Variants in MAP4 observed in about 807,000 individuals in gnomAD.
The protein encoded by MAP4 is microtubule-associated protein 4.
MAP4 carries 76 observed loss-of-function variants against 170.2 expected under a neutral mutation model. The ratio of observed to expected loss-of-function variants is 0.45; its 90% confidence interval spans 0.37 to 0.54. The LOEUF is 0.54. MAP4 is among the 20% of genes least tolerant of loss of function. The pLI is 0.00. For missense variants in MAP4, 2,506 were observed against 2,748.0 expected (o/e 0.91, Z 1.97); for synonymous variants, 909 against 994.5 (o/e 0.91, Z 1.62).
chr3:47,917,219 G>A (rs752205494), intron 6 of MAP4, 45 bp from the exon 7 acceptor site: 17 of 1,509,110 alleles, frequency 1.1e-5, no homozygotes, highest in South Asian at 4.9e-5. Flanking sequence ...TCATACCTTT[G>A]CATTAAAAAT....
intron 1 of MAP4, among the ~76,000 whole-genome samples, chr3:47,999,693 T>A (rs903222796): frequency 6.6e-6 from 1 of 152,022 alleles, no homozygotes. Flanking sequence ...TGGGGTCTCC[T>A]GGAGGGTGGA....
intron 1 of MAP4, among the ~76,000 whole-genome samples, chr3:47,999,494 G>A (rs2100098012): frequency 2.6e-5 from 4 of 152,042 alleles, no homozygotes; most frequent in Admixed American, 2.6e-4. Context: ...TACATAATCT[G>A]CAGTTAAGTA....
intron 1 of MAP4, among the ~76,000 whole-genome samples, chr3:48,003,767 T>G (rs2100100624): frequency 6.6e-6 from 1 of 152,050 alleles, no homozygotes. Context: ...GTGAGGGTGT[T>G]GCCAAAGGAG....
rs146617187 is a variant in MAP4, at chr3:48,046,201, C to T, written c.-20+42572G>A. ...TTTTTTCCTGAACTTTCATCTTTTT[C>T]GGCCAATTCTCTCTATCGGTTATCG... On this transcript the variant is annotated intron_variant, in intron 1 of 18. Coordinates refer to the MAP4 transcript ENST00000360240. 7.0e-4 allele frequency among the ~76,000 whole-genome samples: 107 copies of T among 152,044 alleles called. 1 individual carries two copies. The highest frequency in any genetic ancestry group is 4.9e-4 in the Non-Finnish European group (33 of 67,980).
At chr3:47,903,337 T>C (rs1016265178) in intron 9 of MAP4, among the ~76,000 whole-genome samples, 14 of 152,012 alleles carry the variant, frequency 9.2e-5, no homozygotes, top group Non-Finnish European at 1.8e-4. Flanking sequence ...ATCGAGACCA[T>C]CCTGGCTAAC....
At position 47,912,160 on chromosome 3, in the gene MAP4, A is replaced by G. The variant is rs1252160102; in HGVS notation, c.2261T>C (p.Leu754Pro). 3 of 1,536,042 alleles carry G rather than the reference A, an allele frequency of 2.0e-6. No individual in the cohort carries two copies. Among genetic ancestry groups the G allele is most frequent in the Non-Finnish European group, 2.6e-6 (3 of 1,146,918 alleles). ...HVDSLEPQRD[L>P]GREAWDIEST... ...TTCTATATCCCAGGCCTCCCTGCCA[A>G]GATCCCTCTGGGGTTCAAGTGAGTC... The change falls in exon 9 of 21, where the codon CTT becomes CCT. Residue 754 changes from leucine (L) to proline (P), a missense_variant. This residue lies in a region of MAP4 where 2,008 missense variants were observed against 2,206.0 expected (regional missense o/e 0.91). Transcript: ENST00000683076.
At chr3:47,882,455 C>T (rs1363490518) in intron 10 of MAP4, among the ~76,000 whole-genome samples, 8 of 150,788 alleles carry the variant, frequency 5.3e-5, no homozygotes, top group African/African-American at 1.7e-4. Context: ...TTCATTTTTT[C>T]AAATTACATC....
chr3:47,954,378 C>T (rs1228466883), intron 3 of MAP4, among the ~76,000 whole-genome samples: 5 of 152,138 alleles, frequency 3.3e-5, no homozygotes, highest in African/African-American at 1.2e-4. Context: ...AATCAGAACA[C>T]CTTGGCCCAC....
rs57751818 is a variant in MAP4, at chr3:47,862,346, C to CAAAAA, written c.6502-4839_6502-4835dup. Among the ~76,000 whole-genome samples the CAAAAA allele has an allele frequency of 1.8e-3, 92 of 52,336 alleles. 1 individual carries two copies. The highest frequency in any genetic ancestry group is 2.5e-3 in the Non-Finnish European group (58 of 22,770). The allele number at this position is 52,336 out of a possible 152,430, so 34.3% of individuals were successfully genotyped here. On this transcript the variant is annotated intron_variant, in intron 17 of 20. Coordinates refer to ENST00000683076, the MANE Select transcript of MAP4 (RefSeq NM_001385682.1). Reference sequence around the variant, plus strand: ...TGAGGGACAGAGCGAGACTGTGTCTCAAAAAAAAAAAAAAAAAAAAAAAAA... The same window carrying CAAAAA: ...TGAGGGACAGAGCGAGACTGTGTCTCAAAAAAAAAAAAAAAAAAAAAAAAAAAAAA...
intron 9 of MAP4, among the ~76,000 whole-genome samples, chr3:47,906,696 A>G (rs1395203718): frequency 6.6e-6 from 1 of 151,848 alleles, no homozygotes; most frequent in East Asian, 1.9e-4. Flanking sequence ...AAAAAAAAAA[A>G]GTACTATAAT....
intron 1 of MAP4, among the ~76,000 whole-genome samples, chr3:48,011,012 G>A (rs1553720692): frequency 6.6e-6 from 1 of 152,068 alleles, no homozygotes; most frequent in Non-Finnish European, 1.5e-5. Context: ...TATTAGTTCT[G>A]TCCCTCTAAG....
At chr3:48,074,008 T>C (rs1391917955) in intron 1 of MAP4, among the ~76,000 whole-genome samples, 3 of 152,102 alleles carry the variant, frequency 2.0e-5, no homozygotes, top group Non-Finnish European at 2.9e-5. Flanking sequence ...CACATGCACA[T>C]GTATGTTTAC....
chr3:48,055,206 G>A (rs67851079), intron 1 of MAP4, among the ~76,000 whole-genome samples: 1 of 111,258 alleles, frequency 9.0e-6, no homozygotes, highest in East Asian at 2.1e-4. Context: ...CTCCGTCTCC[G>A]TCTCCGTCTC....
intron 10 of MAP4, among the ~76,000 whole-genome samples, chr3:47,897,950 G>GAA (rs370278143): frequency 7.4e-6 from 1 of 134,536 alleles, no homozygotes; most frequent in African/African-American, 2.9e-5. Context: ...TCGGGGGGGG[G>GAA]AAAAAAAAAA....
intron 17 of MAP4, among the ~76,000 whole-genome samples, chr3:47,864,850 G>C (rs2076657076): frequency 6.6e-6 from 1 of 152,190 alleles, no homozygotes; most frequent in Non-Finnish European, 1.5e-5. Context: ...CTGGGCGACA[G>C]AGCAAGACTT....
intron 1 of MAP4, among the ~76,000 whole-genome samples, chr3:48,014,988 T>G (rs1036902305): frequency 6.6e-6 from 1 of 152,012 alleles, no homozygotes; most frequent in African/African-American, 2.4e-5. Flanking sequence ...GATATAGATA[T>G]GGTATCAAAG....
chr3:47,953,627 T>G (rs1311370304), intron 3 of MAP4, among the ~76,000 whole-genome samples: 1 of 152,060 alleles, frequency 6.6e-6, no homozygotes, highest in Non-Finnish European at 1.5e-5. Context: ...TTCAAAAACT[T>G]AGGGAGATAG....
chr3:48,027,380 A>G (rs2100113661), intron 1 of MAP4, among the ~76,000 whole-genome samples: 1 of 152,156 alleles, frequency 6.6e-6, no homozygotes, highest in Non-Finnish European at 1.5e-5. Context: ...CCAAGCCCAG[A>G]GTTCCCTCCC....
chr3:47,927,857 A>C (rs906327175), intron 4 of MAP4, among the ~76,000 whole-genome samples: 1 of 151,916 alleles, frequency 6.6e-6, no homozygotes, highest in Non-Finnish European at 1.5e-5. Flanking sequence ...AGAGTTAGGT[A>C]AGAAATACCG....
Sources: gnomAD v4.1 joint callset for allele counts (sites outside exome capture counted in the v4.1 genomes callset) on GRCh38, gnomAD v4.1.1 for gene constraint, gnomAD v4.1.1 regional missense constraint, MANE v1.5 for transcripts, NCBI Gene and HGNC (gene_info 2026-07-23, HGNC 2026-07-21) for gene names.